GPC5: variants seen among roughly 807,000 people sequenced by gnomAD.
The protein encoded by GPC5 is glypican-5.
Under a neutral mutation model 53.9 loss-of-function variants are expected in GPC5, and 47 were observed. That is an observed-to-expected ratio of 0.87 (90% confidence interval 0.69 to 1.11). GPC5 has a LOEUF of 1.11. Among genes scored for constraint, GPC5 ranks in the 50% most tolerant of loss-of-function variants. The pLI, the probability that GPC5 is intolerant of heterozygous loss-of-function variation, is 0.00. For synonymous variants in GPC5, 286 were observed against 263.3 expected, an observed-to-expected ratio of 1.09 and a Z score of -0.84; for missense variants, 748 against 713.1, an observed-to-expected ratio of 1.05 and a Z score of -0.56.
intron 5 of GPC5, among the ~76,000 whole-genome samples, chr13:91,848,792 T>C (rs2038880494): frequency 6.6e-6 from 1 of 152,170 alleles, no homozygotes; most frequent in Non-Finnish European, 1.5e-5. Context: ...TCATGAGGAG[T>C]TCTATGTACT....
intron 7 of GPC5, among the ~76,000 whole-genome samples, chr13:92,444,707 C>CGTA (rs1877719946): frequency 9.7e-6 from 1 of 103,008 alleles, no homozygotes; most frequent in Non-Finnish European, 1.8e-5. Context: ...GAGTGGATTC[C>CGTA]TGAAATCTAA....
intron 5 of GPC5, among the ~76,000 whole-genome samples, chr13:91,878,903 A>C (rs1231820752): frequency 1.3e-5 from 2 of 152,126 alleles, no homozygotes; most frequent in Admixed American, 6.5e-5. Flanking sequence ...CCAAATCTAC[A>C]TTGTAATTTA....
intron 7 of GPC5, among the ~76,000 whole-genome samples, chr13:92,861,397 G>T (rs1383670286): frequency 6.6e-6 from 1 of 152,068 alleles, no homozygotes; most frequent in Non-Finnish European, 1.5e-5. Context: ...TGCCCAACTG[G>T]TTACACTCTC....
chr13:92,727,110 A>G (rs1888669619), intron 7 of GPC5, among the ~76,000 whole-genome samples: 1 of 151,462 alleles, frequency 6.6e-6, no homozygotes, highest in Non-Finnish European at 1.5e-5. Context: ...GCTTAACACA[A>G]TTTGTAATAG....
At chr13:92,047,780 C>T (rs2040994625) in intron 6 of GPC5, among the ~76,000 whole-genome samples, 1 of 136,494 alleles carries the variant, frequency 7.3e-6, no homozygotes, top group Non-Finnish European at 1.5e-5. Flanking sequence ...ACCATCCTGG[C>T]TAACATGGTG....
chr13:91,547,878 T>C (rs1420994825), intron 2 of GPC5, among the ~76,000 whole-genome samples: 1 of 152,132 alleles, frequency 6.6e-6, no homozygotes, highest in Non-Finnish European at 1.5e-5. Flanking sequence ...TATTGTCATC[T>C]CAATAGATGC....
intron 7 of GPC5, among the ~76,000 whole-genome samples, chr13:92,577,416 A>C (rs866314590): frequency 6.3e-5 from 6 of 95,688 alleles, no homozygotes; most frequent in Admixed American, 4.7e-4. Flanking sequence ...GTATGTATGT[A>C]TATGTGTGTG....
At chr13:92,783,311 T>G (rs755585975) in intron 7 of GPC5, among the ~76,000 whole-genome samples, 2 of 152,196 alleles carry the variant, frequency 1.3e-5, no homozygotes, top group African/African-American at 2.4e-5. Context: ...TATAGTAGAC[T>G]GCTGAGTGCA....
chr13:91,918,041 T>C (rs376928176), intron 6 of GPC5, among the ~76,000 whole-genome samples: 5 of 152,308 alleles, frequency 3.3e-5, no homozygotes, highest in African/African-American at 1.2e-4. Flanking sequence ...GGGTAATTTA[T>C]AAAGAAAAGA....
chr13:91,519,984 G>A (rs551236344), intron 2 of GPC5, among the ~76,000 whole-genome samples: 54 of 152,194 alleles, frequency 3.5e-4, no homozygotes, highest in Middle Eastern at 3.4e-3. Context: ...TAGAAAAATT[G>A]GAGGTCTAGG....
intron 7 of GPC5, among the ~76,000 whole-genome samples, chr13:92,319,316 C>T (rs1681608826): frequency 6.6e-6 from 1 of 151,048 alleles, no homozygotes; most frequent in South Asian, 2.1e-4. Flanking sequence ...AGGTAGAACA[C>T]TCCTATAAAA....
intron 5 of GPC5, among the ~76,000 whole-genome samples, chr13:91,896,440 T>A (rs1254349443): frequency 6.6e-6 from 1 of 152,164 alleles, no homozygotes; most frequent in Admixed American, 6.6e-5. Flanking sequence ...ACCCTTAATT[T>A]AATCACATCT....
intron 7 of GPC5, among the ~76,000 whole-genome samples, chr13:92,534,945 C>A (rs2138992963): frequency 6.6e-6 from 1 of 152,258 alleles, no homozygotes; most frequent in South Asian, 2.1e-4. Flanking sequence ...TCCAACGATA[C>A]CTATGTAATC....
intron 6 of GPC5, among the ~76,000 whole-genome samples, chr13:92,135,626 A>G (rs2041778251): frequency 1.3e-5 from 2 of 152,194 alleles, no homozygotes; most frequent in South Asian, 2.1e-4. Context: ...ATTAGAGCCA[A>G]GAGAGTGATA....
intron 7 of GPC5, among the ~76,000 whole-genome samples, chr13:92,764,961 C>G (rs1156503963): frequency 6.6e-6 from 1 of 152,178 alleles, no homozygotes; most frequent in Non-Finnish European, 1.5e-5. Flanking sequence ...TGTCAAGACT[C>G]AGACCACACA....
chr13:92,066,208 T>C (rs2041166294), intron 6 of GPC5, among the ~76,000 whole-genome samples: 2 of 152,074 alleles, frequency 1.3e-5, no homozygotes, highest in South Asian at 4.1e-4. Context: ...GCTCTCCTCA[T>C]GCTAAAGGAC....
intron 7 of GPC5, among the ~76,000 whole-genome samples, chr13:92,594,212 A>G (rs1883799282): frequency 6.6e-6 from 1 of 152,166 alleles, no homozygotes; most frequent in African/African-American, 2.4e-5. Flanking sequence ...GTGAAATGGA[A>G]CTAAAAACAG....
At chr13:92,225,543 T>C (rs1157565440) in intron 7 of GPC5, among the ~76,000 whole-genome samples, 2 of 152,222 alleles carry the variant, frequency 1.3e-5, no homozygotes, top group African/African-American at 2.4e-5. Context: ...ATTTAGTCTT[T>C]TATAAATGAT....
chr13:92,285,020 C>A (rs368345945), intron 7 of GPC5, among the ~76,000 whole-genome samples: 12,955 of 152,110 alleles, frequency 0.085, 597 homozygotes, highest in Middle Eastern at 0.12. Context: ...AATCTCTTTA[C>A]ACTGATAAGC....
Sources: gnomAD v4.1 joint callset for allele counts (sites outside exome capture counted in the v4.1 genomes callset) on GRCh38, gnomAD v4.1.1 for gene constraint, MANE v1.5 for transcripts, NCBI Gene and HGNC (gene_info 2026-07-23, HGNC 2026-07-21) for gene names.